Variants in FLRT2 observed in about 807,000 individuals in gnomAD.
The protein encoded by FLRT2 is fibronectin leucine rich transmembrane protein 2, also known as leucine-rich repeat transmembrane protein FLRT2.
Under a neutral mutation model 40.0 loss-of-function variants are expected in FLRT2, and 15 were observed. That is an observed-to-expected ratio of 0.38 (90% CI 0.25 to 0.58). The LOEUF (loss-of-function observed/expected upper bound fraction) is 0.58, where lower values mean the gene tolerates loss of function less well. Among genes scored for constraint, FLRT2 ranks in the 20% least tolerant of loss-of-function variants. The probability of loss-of-function intolerance (pLI) is 0.71; values close to 1 mark genes in which losing one functional copy is unlikely to be tolerated. For synonymous variants in FLRT2, 380 were observed against 336.8 expected (o/e 1.13, Z -1.41); for missense variants, 726 against 840.0 (o/e 0.86, Z 1.68).
chr14:85,546,409 C>A (rs1206573848), intron 1 of FLRT2, among the ~76,000 whole-genome samples: 1 of 152,204 alleles, frequency 6.6e-6, no homozygotes, highest in Admixed American at 6.5e-5. Context: ...TGAATTATTT[C>A]TGCCCTGGGC....
At chr14:85,603,301 T>C (rs562097764) in intron 1 of FLRT2, among the ~76,000 whole-genome samples, 1 of 152,110 alleles carries the variant, frequency 6.6e-6, no homozygotes, top group African/African-American at 2.4e-5. Flanking sequence ...TTTGTGTCTA[T>C]GGGAAAGAGG....
chr14:85,603,072 G>A (rs376234536), intron 1 of FLRT2, among the ~76,000 whole-genome samples: 72 of 152,162 alleles, frequency 4.7e-4, no homozygotes, highest in South Asian at 3.5e-3. Context: ...TTTCTCTTTT[G>A]TGTCTGGGTA....
intron 1 of FLRT2, among the ~76,000 whole-genome samples, chr14:85,536,989 A>G (rs965718097): frequency 1.3e-5 from 2 of 152,212 alleles, no homozygotes; most frequent in African/African-American, 2.4e-5. Context: ...AAGTGCTTAC[A>G]TAACAAGGGA....
Position 85,622,535 on chromosome 14 carries a change from G to A in FLRT2, c.1021G>A (p.Gly341Ser), listed in dbSNP as rs1893444740. The change falls in exon 2 of 2, where the codon GGT (glycine) becomes AGT (serine). Residue 341 changes from glycine to serine, a missense_variant. By Grantham distance (56) the Gly-to-Ser change is moderately conservative. Around this residue, in one of 3 missense-constraint regions of FLRT2, gnomAD observed 611 missense variants for 690.0 expected, o/e 0.89. Coordinates refer to ENST00000330753, the MANE Select transcript of FLRT2 (RefSeq NM_013231.6). ...CAACGTGCGGGGTTTCATGTGCCAA[G>A]GTCCTGAACAAGTCCGGGGGATGGC... ...SLNVRGFMCQ[G>S]PEQVRGMAVR... 6.2e-7 allele frequency: 1 copy of A among 1,613,892 alleles called. No individual in the cohort carries two copies. Among genetic ancestry groups the A allele is most frequent in the Non-Finnish European group, 8.5e-7 (1 of 1,180,024 alleles).
At chr14:85,560,676 C>T (rs1424797599) in intron 1 of FLRT2, among the ~76,000 whole-genome samples, 1 of 151,544 alleles carries the variant, frequency 6.6e-6, no homozygotes, top group African/African-American at 2.4e-5. Flanking sequence ...AAGCAGTCTT[C>T]ACACACAGAA....
At chr14:85,551,790 A>G (rs911205475) in intron 1 of FLRT2, 2 of 152,130 alleles carry the variant, frequency 1.3e-5, no homozygotes, top group Non-Finnish European at 2.9e-5. Context: ...GGTGAGAACC[A>G]TTTTCCATAA....
intron 1 of FLRT2, among the ~76,000 whole-genome samples, chr14:85,553,563 G>T (rs1287383805): frequency 6.6e-6 from 1 of 152,134 alleles, no homozygotes; most frequent in Non-Finnish European, 1.5e-5. Context: ...TGATCTAAGG[G>T]TTATTTCTTT....
chr14:85,603,250 G>A (rs544630844), intron 1 of FLRT2, among the ~76,000 whole-genome samples: 4 of 152,158 alleles, frequency 2.6e-5, no homozygotes, highest in Admixed American at 2.0e-4. Flanking sequence ...AGAGAACAAC[G>A]CCTGTAGAGC....
Position 85,625,107 on chromosome 14 carries a change from A to C in FLRT2, c.*1610A>C. On this transcript the variant is annotated 3_prime_UTR_variant, in exon 2 of 2. Coordinates refer to ENST00000330753, the MANE Select transcript of FLRT2 (RefSeq NM_013231.6). Reference sequence around the variant, plus strand: ...TAGATACTTTTGAGACAACACCTTCAGAAAACACATAATTTAATCTTTGCC... The same window carrying C: ...TAGATACTTTTGAGACAACACCTTCCGAAAACACATAATTTAATCTTTGCC... 1 of 167,098 alleles carries C rather than the reference A, an allele frequency of 6.0e-6. No homozygotes were observed. The highest frequency in any genetic ancestry group is 2.1e-4 in the South Asian group (1 of 4,836). 10.4% of individuals were successfully genotyped at this position (167,098 alleles called of 1,614,324 possible). A position where few individuals can be genotyped will look rare whatever the true frequency, so the allele number is the denominator to read the frequency against.
chr14:85,574,032 C>T lies in FLRT2; in HGVS notation c.-377+43498C>T, dbSNP rs566313574. 6.1e-3 allele frequency among the ~76,000 whole-genome samples: 923 copies of T among 152,170 alleles called. 10 individuals carry two copies. Among genetic ancestry groups the T allele is most frequent in the African/African-American group, 0.021 (883 of 41,532 alleles). ...TAGTGGTGCTTGGCCCGTAAGAGGC[C>T]GGATCCACAGGGGAAGGTCCCAGTA... On this transcript the variant is annotated intron_variant, in intron 1 of 1. Transcript: ENST00000330753.
chr14:85,583,508 T>C (rs1462654720), intron 1 of FLRT2, among the ~76,000 whole-genome samples: 1 of 152,116 alleles, frequency 6.6e-6, no homozygotes, highest in African/African-American at 2.4e-5. Context: ...AACAGAACGC[T>C]CCTATTTTGG....
chr14:85,636,787 G>C lies in FLRT2; in HGVS notation c.*13290G>C, dbSNP rs1051240227. The C allele has an allele frequency of 6.6e-6, 1 of 151,650 alleles. No homozygotes were observed. The highest frequency in any genetic ancestry group is 2.4e-5 in the African/African-American group (1 of 41,290). 9.4% of individuals were successfully genotyped at this position (151,650 alleles called of 1,614,324 possible). On this transcript the variant is annotated 3_prime_UTR_variant, in exon 2 of 2. Transcript: ENST00000330753. ...TTACTAAAAATACAAAAATTAGCAG[G>C]GTATGGTGGCAGGCGCCTGTTATCC...
chr14:85,609,072 G>A (rs567126755), intron 1 of FLRT2, among the ~76,000 whole-genome samples: 11 of 152,194 alleles, frequency 7.2e-5, no homozygotes, highest in South Asian at 6.2e-4. Context: ...CTGAGGTTCC[G>A]TCCTGAAACC....
Position 85,650,779 on chromosome 14 carries a change from A to T in FLRT2, c.*27282A>T, listed in dbSNP as rs558184984. ...TCTTCATTTTTTCTCTTACTGGTTC[A>T]TATTCTCTATACATGCTGAATGGTG... On this transcript the variant is annotated 3_prime_UTR_variant, in exon 2 of 2. Transcript: ENST00000330753. 8.8e-4 allele frequency: 133 copies of T among 151,356 alleles called. No homozygotes were observed. Among genetic ancestry groups the T allele is most frequent in the African/African-American group, 3.0e-3 (125 of 41,204 alleles). The allele number at this position is 151,356 out of a possible 1,614,324, so 9.4% of individuals were successfully genotyped here. A position where few individuals can be genotyped will look rare whatever the true frequency, so the allele number is the denominator to read the frequency against.
chr14:85,530,952 C>A (rs1566709937), intron 1 of FLRT2, among the ~76,000 whole-genome samples: 1 of 152,182 alleles, frequency 6.6e-6, no homozygotes, highest in African/African-American at 2.4e-5. Context: ...ATGTCACCAG[C>A]GTTATTATCA....
intron 1 of FLRT2, among the ~76,000 whole-genome samples, chr14:85,575,796 G>A (rs948562128): frequency 1.3e-5 from 2 of 152,174 alleles, no homozygotes; most frequent in African/African-American, 4.8e-5. Flanking sequence ...TGAAGCCCTA[G>A]TCTACAGCTA....
At chr14:85,587,433 T>C (rs17712565) in intron 1 of FLRT2, among the ~76,000 whole-genome samples, 10,341 of 152,244 alleles carry the variant, frequency 0.068, 408 homozygotes, top group Middle Eastern at 0.11. Flanking sequence ...ATTTGTTTTG[T>C]TTGTGCATTT....
At chr14:85,566,782 A>T (rs1036889957) in intron 1 of FLRT2, among the ~76,000 whole-genome samples, 9 of 151,448 alleles carry the variant, frequency 5.9e-5, no homozygotes, top group Non-Finnish European at 1.5e-5. Flanking sequence ...ATGAAAAAAA[A>T]AAAAAGAACA....
At chr14:85,564,026 G>A (rs556547012) in intron 1 of FLRT2, among the ~76,000 whole-genome samples, 4 of 152,286 alleles carry the variant, frequency 2.6e-5, no homozygotes, top group African/African-American at 9.6e-5. Flanking sequence ...ACAGCCAGAA[G>A]TCAGGGCACT....
Sources: allele counts gnomAD v4.1 joint callset (sites outside exome capture counted in the v4.1 genomes callset), GRCh38; gene constraint gnomAD v4.1.1; regional missense constraint gnomAD v4.1.1; transcripts MANE v1.5; gene names NCBI Gene and HGNC (gene_info 2026-07-23, HGNC 2026-07-21).